The following BAHCC1 variants were observed in gnomAD, a reference collection of about 807,000 sequenced individuals.
BAHCC1 encodes the protein BAH and coiled-coil domain-containing protein 1.
BAHCC1 carries 43 observed loss-of-function variants against 88.2 expected under a neutral mutation model. The observed-to-expected ratio is 0.49, with a 90% confidence interval of 0.38 to 0.63. The LOEUF is 0.63. BAHCC1 is among the 20% of genes least tolerant of loss of function. The pLI is 0.00. For missense variants in BAHCC1, 3,023 were observed against 1,654.8 expected, an observed-to-expected ratio of 1.83 and a Z score of -14.34; for synonymous variants, 1,510 against 745.5, an observed-to-expected ratio of 2.03 and a Z score of -16.71.
rs545544924 is a variant in BAHCC1, at chr17:81,412,953, A to C, written c.178+13036A>C. 1.4e-3 allele frequency among the ~76,000 whole-genome samples: 211 copies of C among 151,888 alleles called. 2 individuals carry two copies. The highest frequency in any genetic ancestry group is 4.9e-3 in the African/African-American group (204 of 41,360). On this transcript the variant is annotated intron_variant, in intron 2 of 27. Coordinates refer to ENST00000675386, the MANE Select transcript of BAHCC1 (RefSeq NM_001377448.1). ...GCTGGCTGGAAGGAGAGAGTGAGAG[A>C]GCGCAGGACGGAAGCTCGGTGCGGG...
In BAHCC1 at chr17:81,447,056, C is replaced by T. The variant is rs782743457; in HGVS notation, c.3184C>T (p.Arg1062Cys). The change falls in exon 11 of 28, where the codon CGC becomes TGC. Residue 1062 changes from arginine (R) to cysteine (C), a missense_variant. Transcript: ENST00000675386. ...SEPDLPPGYL[R>C]PMAGLGFSLP... ...TGCAGACCTGCCTCCCGGATACCTG[C>T]GCCCCATGGCTGGCCTGGGCTTCTC... is the stretch of plus-strand genomic sequence containing the variant. The T allele has an allele frequency of 1.8e-5, 14 of 779,232 alleles. No individual in the cohort carries two copies. The highest frequency in any genetic ancestry group is 8.5e-5 in the African/African-American group (5 of 59,138). 48.3% of individuals were successfully genotyped at this position (779,232 alleles called of 1,614,324 possible).
At chr17:81,418,195 C>T (rs1477976814) in intron 2 of BAHCC1, among the ~76,000 whole-genome samples, 2 of 152,214 alleles carry the variant, frequency 1.3e-5, no homozygotes, top group Non-Finnish European at 2.9e-5. Context: ...AGCAGGTGTG[C>T]AGTCGGGACA....
intron 2 of BAHCC1, chr17:81,415,722 A>G (rs1555648540): frequency 2.9e-6 from 1 of 348,384 alleles, no homozygotes. Context: ...AGCCACCTCC[A>G]TGCTGGATGT....
intron 3 of BAHCC1, among the ~76,000 whole-genome samples, chr17:81,427,247 G>A (rs1324247566): frequency 3.3e-5 from 5 of 152,212 alleles, no homozygotes; most frequent in Non-Finnish European, 7.4e-5. Flanking sequence ...AGGGGGGCCA[G>A]GAGGGGCTCT....
rs782649882 is a variant in BAHCC1 at position 81,458,879 on chromosome 17, G to A, written c.5515G>A (p.Asp1839Asn). Residue 1839 changes from aspartate (D) to asparagine (N), a missense_variant, in exon 20 of 28, where the codon GAC becomes AAC. By Grantham distance (23) the Asp-to-Asn change is conservative (BLOSUM62 1). Transcript: ENST00000675386. ...CGTGGAGGAAGACTTTGAGTTCGAC[G>A]ACAACAGCAGCTTCTCGGAAGAGGA... ...FAVEEDFEFD[D>N]NSSFSEEEED... The A allele has an allele frequency of 2.1e-5, 16 of 774,316 alleles. No individual in the cohort carries two copies. The highest frequency in any genetic ancestry group is 5.1e-5 in the African/African-American group (3 of 59,086). 48.0% of individuals were successfully genotyped at this position (774,316 alleles called of 1,614,324 possible).
Position 81,463,604 on chromosome 17 carries a change from C to A in BAHCC1, c.7621-7C>A. On this transcript the variant is annotated splice_polypyrimidine_tract_variant and splice_region_variant and intron_variant, in intron 27 of 27. Coordinates refer to ENST00000675386, the MANE Select transcript of BAHCC1 (RefSeq NM_001377448.1). Reference sequence around the variant, plus strand: ...GGCCACTGATGCCCCGCGCGCCTTGCCCCCAGAATGCGCTGTACCAGTCCT... The same window carrying A: ...GGCCACTGATGCCCCGCGCGCCTTGACCCCAGAATGCGCTGTACCAGTCCT... The A allele has an allele frequency of 1.3e-6, 1 of 779,432 alleles. No individual in the cohort carries two copies. The highest frequency in any genetic ancestry group is 2.4e-6 in the Non-Finnish European group (1 of 417,852). The allele number at this position is 779,432 out of a possible 1,614,324, so 48.3% of individuals were successfully genotyped here. A position where few individuals can be genotyped will look rare whatever the true frequency, so the allele number is the denominator to read the frequency against.
In BAHCC1 at chr17:81,461,162, C is replaced by T. The variant is rs1348746335; in HGVS notation, c.6499C>T (p.Pro2167Ser). 4.0e-6 allele frequency: 3 copies of T among 757,168 alleles called. No homozygotes were observed. Among genetic ancestry groups the T allele is most frequent in the African/African-American group, 3.4e-5 (2 of 58,840 alleles). 46.9% of individuals were successfully genotyped at this position (757,168 alleles called of 1,614,324 possible). A position where few individuals can be genotyped will look rare whatever the true frequency, so the allele number is the denominator to read the frequency against. ...SFSSLASSYA[P>S]FVGGTGPGLP... ...CAGCAGCCTGGCCAGCTCCTACGCGCCCTTCGTCGGGGGGACCGGGCCGGG... is the reference window on the plus strand; with the variant it reads ...CAGCAGCCTGGCCAGCTCCTACGCGTCCTTCGTCGGGGGGACCGGGCCGGG... The change falls in exon 26 of 28, where the codon CCC becomes TCC. Residue 2167 changes from proline to serine, a missense_variant. Pro to Ser is a moderately conservative substitution (Grantham distance 74, BLOSUM62 -1). Coordinates refer to ENST00000675386, the MANE Select transcript of BAHCC1 (RefSeq NM_001377448.1).
rs145677420 is a variant in BAHCC1 at position 81,416,329 on chromosome 17, T to C, written c.179-10471T>C. Among the ~76,000 whole-genome samples, 355 of 144,120 alleles carry C rather than the reference T, an allele frequency of 2.5e-3. 1 individual carries two copies. The highest frequency in any genetic ancestry group is 4.0e-3 in the Non-Finnish European group (264 of 66,452). The allele number at this position is 144,120 out of a possible 152,430, so 94.5% of individuals were successfully genotyped here. On this transcript the variant is annotated intron_variant, in intron 2 of 27. Coordinates refer to ENST00000675386, the MANE Select transcript of BAHCC1 (RefSeq NM_001377448.1). ...GGGTGGGTGTATGCGTGTGTGTCCA[T>C]GAGGATGGGTGTGTGTGTGTCCATG...
At chr17:81,425,703 T>C (rs1448554227) in intron 2 of BAHCC1, among the ~76,000 whole-genome samples, 2 of 135,784 alleles carry the variant, frequency 1.5e-5, no homozygotes, top group East Asian at 4.8e-4. Context: ...GCGATGTGGT[T>C]GGTGGTGATA....
chr17:81,459,100 C>T lies in BAHCC1; in HGVS notation c.5652C>T (p.Pro1884=), dbSNP rs61744534. 1.1e-3 allele frequency: 812 copies of T among 771,080 alleles called. 2 individuals are homozygous for T. The highest frequency in any genetic ancestry group is 2.7e-3 in the Middle Eastern group (12 of 4,428). 47.8% of individuals were successfully genotyped at this position (771,080 alleles called of 1,614,324 possible). The change falls in exon 21 of 28, where the codon CCC becomes CCT. Residue 1884 remains proline, a synonymous_variant. Transcript: ENST00000675386. ...AGGAGGACCTGCGGGACGGGCTGCC[C>T]GTGCTCATCCCCAAGGAGGATAGCC... is the stretch of plus-strand genomic sequence containing the variant. The part of the protein sequence containing the change: ...IHKEDLRDGL[P]VLIPKEDSLL...
At chr17:81,423,390 G>A (rs2064138423) in intron 2 of BAHCC1, among the ~76,000 whole-genome samples, 1 of 151,944 alleles carries the variant, frequency 6.6e-6, no homozygotes. Flanking sequence ...GTCACCTCAT[G>A]TCTGGGAAGT....
intron 4 of BAHCC1, among the ~76,000 whole-genome samples, chr17:81,439,213 T>G (rs1311159977): frequency 6.6e-6 from 1 of 152,178 alleles, no homozygotes; most frequent in Non-Finnish European, 1.5e-5. Flanking sequence ...CAAGTTGGGT[T>G]TCCTCTGGTA....
rs961123345 is a variant in BAHCC1, at chr17:81,464,280, G to T, written c.*463G>T. On this transcript the variant is annotated 3_prime_UTR_variant, in exon 28 of 28. Coordinates refer to ENST00000675386, the MANE Select transcript of BAHCC1 (RefSeq NM_001377448.1). The stretch of plus-strand genomic sequence containing the variant: ...GGTTTTTCCCCATCCGCGTGACAAG[G>T]TGTGTGTGAGCGTGTATGTGTGTGC... The T allele has an allele frequency of 4.4e-5, 11 of 252,320 alleles. No homozygotes were observed. The highest frequency in any genetic ancestry group is 2.4e-4 in the African/African-American group (11 of 45,196). 15.6% of individuals were successfully genotyped at this position (252,320 alleles called of 1,614,324 possible).
Position 81,395,651 on chromosome 17 carries a change from T to C in BAHCC1, c.-207+16T>C, listed in dbSNP as rs1555644771. 1.0e-5 allele frequency: 1 copy of C among 99,888 alleles called. No homozygotes were observed. The highest frequency in any genetic ancestry group is 2.0e-5 in the Non-Finnish European group (1 of 48,870). 6.2% of individuals were successfully genotyped at this position (99,888 alleles called of 1,614,324 possible). A position where few individuals can be genotyped will look rare whatever the true frequency, so the allele number is the denominator to read the frequency against. On this transcript the variant is annotated intron_variant, in intron 1 of 27. Coordinates refer to ENST00000675386, the MANE Select transcript of BAHCC1 (RefSeq NM_001377448.1). ...ACAGCCTCCAGTAAGTAACTGAAAT[T>C]GCTTTCATTTTTTTTTTGTTTTTGT...
At position 81,451,958 on chromosome 17, in the gene BAHCC1, C is replaced by A. The variant is rs782662119; in HGVS notation, c.4180-13C>A. The A allele has an allele frequency of 3.5e-5, 19 of 539,888 alleles. No individual in the cohort carries two copies. Among genetic ancestry groups the A allele is most frequent in the African/African-American group, 8.9e-5 (3 of 33,584 alleles). 33.4% of individuals were successfully genotyped at this position (539,888 alleles called of 1,614,324 possible). On this transcript the variant is annotated splice_polypyrimidine_tract_variant and intron_variant, in intron 12 of 27. Coordinates refer to ENST00000675386, the MANE Select transcript of BAHCC1 (RefSeq NM_001377448.1). ...CTGGCCCGGCTCACAGGCCCCTGTGCCCCCCCCACCAGGTGTGCCCCCTGA... is the reference window on the plus strand; with the variant it reads ...CTGGCCCGGCTCACAGGCCCCTGTGACCCCCCCACCAGGTGTGCCCCCTGA...
chr17:81,456,542 C>T lies in BAHCC1; in HGVS notation c.4815C>T (p.Pro1605=). 4.2e-6 allele frequency: 3 copies of T among 714,762 alleles called. No individual in the cohort carries two copies. The highest frequency in any genetic ancestry group is 2.6e-6 in the Non-Finnish European group (1 of 384,130). 44.3% of individuals were successfully genotyped at this position (714,762 alleles called of 1,614,324 possible). A position where few individuals can be genotyped will look rare whatever the true frequency, so the allele number is the denominator to read the frequency against. The change falls in exon 16 of 28, where the codon CCC becomes CCT. Residue 1605 remains proline (P), a synonymous_variant. Coordinates refer to ENST00000675386, the MANE Select transcript of BAHCC1 (RefSeq NM_001377448.1). ...QPKGHGSRET[P]RCPAQPSVAA... is the part of the protein sequence containing the mutation. ...AGGGCCACGGCAGCCGGGAGACACC[C>T]AGGTGCCCAGCCCAGCCCTCCGTGG...
chr17:81,403,713 T>C (rs2063844623), intron 2 of BAHCC1, among the ~76,000 whole-genome samples: 1 of 152,218 alleles, frequency 6.6e-6, no homozygotes, highest in Non-Finnish European at 1.5e-5. Flanking sequence ...TAAGTAGGTG[T>C]GAAAAGAGTT....
Position 81,451,820 on chromosome 17 carries a change from C to G in BAHCC1, c.4129C>G (p.Arg1377Gly). ...CTGCAGCGGCCCCAGGCTCACCCCC[C>G]GCATGCAGATCCTGCAGCGCAAGGA... ...NPCSGPRLTP[R>G]MQILQRKDTW... is the part of the protein sequence containing the mutation. The change falls in exon 12 of 28, where the codon CGC (arginine) becomes GGC (glycine). Residue 1377 changes from arginine to glycine, a missense_variant. Arg to Gly is a moderately radical substitution (Grantham distance 125). Coordinates refer to ENST00000675386, the MANE Select transcript of BAHCC1 (RefSeq NM_001377448.1). 1 of 757,346 alleles carries G rather than the reference C, an allele frequency of 1.3e-6. No homozygotes were observed. The highest frequency in any genetic ancestry group is 2.4e-6 in the Non-Finnish European group (1 of 414,038). 46.9% of individuals were successfully genotyped at this position (757,346 alleles called of 1,614,324 possible).
chr17:81,400,030 CCGCGGT>C, intron 2 of BAHCC1, 113 bp downstream of exon 2: 1 of 964,190 alleles, frequency 1.0e-6, no homozygotes, highest in Non-Finnish European at 1.3e-6. Flanking sequence ...CCGGCCCCGG[CCGCGGT>C]GGCTGCCTGG....
Sources: allele counts gnomAD v4.1 joint callset (sites outside exome capture counted in the v4.1 genomes callset), GRCh38; gene constraint gnomAD v4.1.1; transcripts MANE v1.5; gene names NCBI Gene and HGNC (gene_info 2026-07-23, HGNC 2026-07-21).